Variants in RAD50 observed in about 807,000 individuals in gnomAD.
RAD50 encodes DNA repair protein RAD50.
In RAD50, 132 loss-of-function variants were observed where a neutral mutation model predicts 168.8. The ratio of observed to expected loss-of-function variants is 0.78; its 90% confidence interval spans 0.68 to 0.90. The LOEUF is 0.90. RAD50 is among the 40% of genes least tolerant of loss of function. The pLI is 0.00. For missense variants in RAD50, 1,347 were observed against 1,534.4 expected, an observed-to-expected ratio of 0.88 and a Z score of 2.04; for synonymous variants, 525 against 497.4, an observed-to-expected ratio of 1.06 and a Z score of -0.74.
chr5:132,594,125 A>G (rs1329735786), intron 11 of RAD50, among the ~76,000 whole-genome samples: 1 of 152,234 alleles, frequency 6.6e-6, no homozygotes, highest in Non-Finnish European at 1.5e-5. Flanking sequence ...CAGGATGGGT[A>G]GTCATGATGA....
At position 132,609,185 on chromosome 5, in the gene RAD50, A is replaced by C; in HGVS notation, c.2898A>C (p.Gln966His). ...GYMKDIENYI[Q>H]DGKDDYKKQK... ...TGAAAGACATTGAGAATTATATTCA[A>C]GATGGGAAAGACGACTATAAGAAGG... Residue 966 changes from glutamine (Q) to histidine (H), a missense_variant, in exon 18 of 25, where the codon CAA (glutamine) becomes CAC (histidine). Gln to His is a conservative substitution (Grantham distance 24, BLOSUM62 0). Coordinates refer to ENST00000378823, the MANE Select transcript of RAD50 (RefSeq NM_005732.4). 1 of 1,611,938 alleles carries C rather than the reference A, an allele frequency of 6.2e-7. No homozygotes were observed. The highest frequency in any genetic ancestry group is 8.5e-7 in the Non-Finnish European group (1 of 1,178,990).
chr5:132,620,495 G>A (rs1751267506), intron 21 of RAD50, among the ~76,000 whole-genome samples: 1 of 152,102 alleles, frequency 6.6e-6, no homozygotes, highest in Non-Finnish European at 1.5e-5. Flanking sequence ...TCTTTATCCA[G>A]TGTATGTCTG....
At chr5:132,623,725 A>G (rs1049468945) in intron 21 of RAD50, among the ~76,000 whole-genome samples, 2 of 152,204 alleles carry the variant, frequency 1.3e-5, no homozygotes, top group Non-Finnish European at 2.9e-5. Context: ...TTTTTCCAGA[A>G]TGGCAAATAT....
rs191483354 is a variant in RAD50 at position 132,643,008 on chromosome 5, G to T, written c.*644G>T. On this transcript the variant is annotated 3_prime_UTR_variant, in exon 25 of 25. Coordinates refer to ENST00000378823, the MANE Select transcript of RAD50 (RefSeq NM_005732.4). ...TTCTCCTACATATCCCTTCCAGATGGTCATCCAGACTCAGAGCTCTCTCTA... is the reference window on the plus strand; with the variant it reads ...TTCTCCTACATATCCCTTCCAGATGTTCATCCAGACTCAGAGCTCTCTCTA... 351 of 528,500 alleles carry T rather than the reference G, an allele frequency of 6.6e-4. 4 individuals carry two copies. The highest frequency in any genetic ancestry group is 6.2e-3 in the African/African-American group (325 of 52,746). 32.7% of individuals were successfully genotyped at this position (528,500 alleles called of 1,614,324 possible). A position where few individuals can be genotyped will look rare whatever the true frequency, so the allele number is the denominator to read the frequency against.
Position 132,608,681 on chromosome 5 carries a change from T to C in RAD50, c.2785T>C (p.Leu929=), listed in dbSNP as rs1482267492. Residue 929 remains leucine, a synonymous_variant, in exon 17 of 25, where the codon TTA becomes CTA. Coordinates refer to ENST00000378823, the MANE Select transcript of RAD50 (RefSeq NM_005732.4). ...LEKFQQEKEE[L]INKKNTSNKI... Reference sequence around the variant, plus strand: ...AAAGTTCCAGCAAGAAAAAGAAGAATTAATCAACAAAAAAAATACAAGCAA... The same window carrying C: ...AAAGTTCCAGCAAGAAAAAGAAGAACTAATCAACAAAAAAAATACAAGCAA... The C allele has an allele frequency of 1.3e-6, 2 of 1,598,828 alleles. No individual in the cohort carries two copies. Among genetic ancestry groups the C allele is most frequent in the Admixed American group, 3.4e-5 (2 of 59,300 alleles).
In RAD50 at chr5:132,644,789, G is replaced by A. The variant is rs80094086; in HGVS notation, c.*2425G>A. The A allele has an allele frequency of 0.054, 8,431 of 156,306 alleles. 547 individuals carry two copies. The highest frequency in any genetic ancestry group is 0.3 in the East Asian group (1,798 of 6,054). The allele number at this position is 156,306 out of a possible 1,614,324, so 9.7% of individuals were successfully genotyped here. Reference sequence around the variant, plus strand: ...GGCCTCTCAGTCTTTTTTATTTTTTGAGGTGGAGTCTTGCTCTGTCACCCA... The same window carrying A: ...GGCCTCTCAGTCTTTTTTATTTTTTAAGGTGGAGTCTTGCTCTGTCACCCA... On this transcript the variant is annotated 3_prime_UTR_variant, in exon 25 of 25. Coordinates refer to ENST00000378823, the MANE Select transcript of RAD50 (RefSeq NM_005732.4).
chr5:132,640,656 A>G lies in RAD50; in HGVS notation c.3619-16A>G, dbSNP rs2149865470. The G allele has an allele frequency of 1.9e-6, 3 of 1,614,120 alleles. No homozygotes were observed. The highest frequency in any genetic ancestry group is 2.2e-5 in the East Asian group (1 of 44,882). On this transcript the variant is annotated splice_polypyrimidine_tract_variant and intron_variant, in intron 23 of 24. Coordinates refer to ENST00000378823, the MANE Select transcript of RAD50 (RefSeq NM_005732.4). ...AAGGTCTGTGCTGGGCTTCTCACAT[A>G]GGGGCTTTTTTCCAGGTATTAGCCT...
At chr5:132,620,530 T>G (rs926422872) in intron 21 of RAD50, among the ~76,000 whole-genome samples, 5 of 152,206 alleles carry the variant, frequency 3.3e-5, no homozygotes, top group African/African-American at 1.2e-4. Context: ...AATTTAGGCC[T>G]TTCATATTCA....
intron 2 of RAD50, among the ~76,000 whole-genome samples, chr5:132,566,327 C>T (rs1287725442): frequency 6.6e-6 from 1 of 152,228 alleles, no homozygotes; most frequent in Non-Finnish European, 1.5e-5. Flanking sequence ...TACTCAGGAA[C>T]ACTGTAAACA....
intron 21 of RAD50, among the ~76,000 whole-genome samples, chr5:132,621,286 T>A (rs1751279597): frequency 6.6e-6 from 1 of 152,212 alleles, no homozygotes. Context: ...TGGGTGATTC[T>A]GATGCACATC....
Position 132,589,623 on chromosome 5 carries a change from G to T in RAD50, c.1246-8G>T, listed in dbSNP as rs776650264. On this transcript the variant is annotated splice_region_variant and splice_polypyrimidine_tract_variant and intron_variant, in intron 8 of 24. Coordinates refer to ENST00000378823, the MANE Select transcript of RAD50 (RefSeq NM_005732.4). ...TTATTAATGCTCATTCTTTACATATGCATTTAGAATGACTTTGCAGAAAAA... is the reference window on the plus strand; with the variant it reads ...TTATTAATGCTCATTCTTTACATATTCATTTAGAATGACTTTGCAGAAAAA... 8 of 1,548,118 alleles carry T rather than the reference G, an allele frequency of 5.2e-6. No homozygotes were observed. Among genetic ancestry groups the T allele is most frequent in the Non-Finnish European group, 6.1e-6 (7 of 1,139,174 alleles).
At chr5:132,637,910 C>T in intron 22 of RAD50, 171 bp from the exon 23 acceptor site, 1 of 730,900 alleles carries the variant, frequency 1.4e-6, no homozygotes, top group South Asian at 1.8e-5. Flanking sequence ...TCTGGCCAGA[C>T]CACCAGGCTC....
intron 17 of RAD50, 138 bp downstream of exon 17, chr5:132,608,863 A>C (rs1223648879): frequency 7.2e-7 from 1 of 1,386,354 alleles, no homozygotes; most frequent in Admixed American, 2.9e-5. Flanking sequence ...TATAATTTTG[A>C]CATTAGAAAT....
chr5:132,634,549 G>T (rs1216059996), intron 21 of RAD50, among the ~76,000 whole-genome samples: 1 of 151,946 alleles, frequency 6.6e-6, no homozygotes, highest in African/African-American at 2.4e-5. Flanking sequence ...TTTAGGTAGG[G>T]ATTTGAATCG....
chr5:132,577,802 ATTTTTTTTTTTT>A (rs923754085), intron 3 of RAD50, among the ~76,000 whole-genome samples: 2 of 84,380 alleles, frequency 2.4e-5, no homozygotes, highest in African/African-American at 1.2e-4. Flanking sequence ...CCCATTTCTG[ATTTTTTTTTTTT>A]TTTTTTTTTT....
At chr5:132,605,141 T>G (rs1380200810) in intron 16 of RAD50, 142 bp downstream of exon 16, 1 of 544,454 alleles carries the variant, frequency 1.8e-6, no homozygotes, top group African/African-American at 2.0e-5. Context: ...ATCTCCTGGG[T>G]TCAAGTGATT....
chr5:132,605,532 A>G (rs1561645999), intron 16 of RAD50, among the ~76,000 whole-genome samples: 2 of 152,060 alleles, frequency 1.3e-5, no homozygotes, highest in Non-Finnish European at 2.9e-5. Context: ...TTTTCTAGAG[A>G]CAGGGTCTCA....
At chr5:132,641,882 T>C (rs999420584) in intron 24 of RAD50, 2 of 373,094 alleles carry the variant, frequency 5.4e-6, no homozygotes, top group African/African-American at 4.1e-5. Flanking sequence ...AAAATATTTA[T>C]ACCTGCTTTA....
chr5:132,618,434 A>C (rs902057451), intron 21 of RAD50, 140 bp downstream of exon 21: 60 of 1,446,058 alleles, frequency 4.1e-5, no homozygotes, highest in Non-Finnish European at 5.4e-5. Context: ...GCTGGAGTGC[A>C]ATGGCACGAT....
Sources: gnomAD v4.1 joint callset for allele counts (sites outside exome capture counted in the v4.1 genomes callset) on GRCh38, gnomAD v4.1.1 for gene constraint, MANE v1.5 for transcripts, NCBI Gene and HGNC (gene_info 2026-07-23, HGNC 2026-07-21) for gene names.